Variants in PKN2 observed in about 807,000 individuals in gnomAD.
PKN2 encodes protein kinase N2, also known as serine/threonine-protein kinase N2.
In PKN2, 38 loss-of-function variants were observed where a neutral mutation model predicts 119.1. That is an observed-to-expected ratio of 0.32 (90% CI 0.25 to 0.42). The LOEUF is 0.42. Among genes scored for constraint, PKN2 ranks in the 10% least tolerant of loss-of-function variants. The probability of loss-of-function intolerance (pLI) is 1.00; values close to 1 mark genes in which losing one functional copy is unlikely to be tolerated. For missense variants in PKN2, 850 were observed against 1,165.1 expected, an observed-to-expected ratio of 0.73 and a Z score of 3.94; for synonymous variants, 390 against 384.9, an observed-to-expected ratio of 1.01 and a Z score of -0.15.
intron 2 of PKN2, among the ~76,000 whole-genome samples, chr1:88,751,213 A>G (rs528474783): frequency 2.1e-4 from 32 of 151,682 alleles, no homozygotes; most frequent in African/African-American, 7.3e-4. Context: ...GATTAGCAGA[A>G]TCTAGGTGAT....
chr1:88,742,550 A>G (rs1181117086), intron 2 of PKN2, among the ~76,000 whole-genome samples: 1 of 152,140 alleles, frequency 6.6e-6, no homozygotes, highest in Non-Finnish European at 1.5e-5. Flanking sequence ...TTTCAGAATC[A>G]CCAATCTAGT....
rs998366130 is a variant in PKN2, at chr1:88,699,536, A to G, written c.48+14908A>G. 2.0e-5 allele frequency among the ~76,000 whole-genome samples: 3 copies of G among 152,142 alleles called. No homozygotes were observed. In the South Asian group the frequency reaches 6.2e-4, roughly 31 times the overall value. On this transcript the variant is annotated intron_variant, in intron 1 of 21. Transcript: ENST00000370521. ...ATCCCATCACCTGGGTATTAAGCCCAGCATCCATTAGCTATTCTTCCTGAT... is the reference window on the plus strand; with the variant it reads ...ATCCCATCACCTGGGTATTAAGCCCGGCATCCATTAGCTATTCTTCCTGAT...
intron 1 of PKN2, among the ~76,000 whole-genome samples, chr1:88,729,687 A>G (rs1264017093): frequency 6.6e-6 from 1 of 152,164 alleles, no homozygotes; most frequent in Non-Finnish European, 1.5e-5. Context: ...GTAGAATGTC[A>G]CTTTAGTCAG....
chr1:88,777,975 A>G (rs965617505), intron 6 of PKN2, among the ~76,000 whole-genome samples: 6 of 152,172 alleles, frequency 3.9e-5, no homozygotes, highest in African/African-American at 1.2e-4. Flanking sequence ...CAGCACTCTT[A>G]CAATACTCCC....
At chr1:88,737,449 C>T (rs922612812) in intron 1 of PKN2, among the ~76,000 whole-genome samples, 1 of 151,982 alleles carries the variant, frequency 6.6e-6, no homozygotes, top group Non-Finnish European at 1.5e-5. Flanking sequence ...CCCTCTTTTT[C>T]CCCCAGTAGA....
intron 1 of PKN2, among the ~76,000 whole-genome samples, chr1:88,717,725 C>T (rs577245867): frequency 3.6e-4 from 54 of 152,098 alleles, no homozygotes; most frequent in Admixed American, 1.8e-3. Flanking sequence ...AGCTTCCTTG[C>T]GATGGGTTCG....
At chr1:88,814,133 G>A (rs1671890415) in intron 16 of PKN2, among the ~76,000 whole-genome samples, 2 of 152,032 alleles carry the variant, frequency 1.3e-5, no homozygotes, top group Admixed American at 6.6e-5. Flanking sequence ...TAAAATATTT[G>A]TATTTGCCTT....
At chr1:88,761,303 T>C (rs948398262) in intron 3 of PKN2, among the ~76,000 whole-genome samples, 4 of 152,124 alleles carry the variant, frequency 2.6e-5, no homozygotes, top group African/African-American at 9.7e-5. Context: ...TACTTTCAAC[T>C]CATGTATTTT....
At chr1:88,817,541 A>G (rs1219865941) in intron 16 of PKN2, among the ~76,000 whole-genome samples, 1 of 151,904 alleles carries the variant, frequency 6.6e-6, no homozygotes, top group African/African-American at 2.4e-5. Context: ...CCCCATCTCT[A>G]CTAAAAACAC....
At chr1:88,803,769 A>C in intron 8 of PKN2, among the ~76,000 whole-genome samples, 1 of 152,366 alleles carries the variant, frequency 6.6e-6, no homozygotes. Context: ...TTGTTATAAT[A>C]AATGAATATC....
chr1:88,779,574 T>C (rs1215157054), intron 6 of PKN2, among the ~76,000 whole-genome samples: 1 of 152,104 alleles, frequency 6.6e-6, no homozygotes, highest in South Asian at 2.1e-4. Context: ...TACAAAGGCT[T>C]CTTTTTTATG....
chr1:88,744,133 T>C (rs963313230), intron 2 of PKN2, among the ~76,000 whole-genome samples: 4 of 152,198 alleles, frequency 2.6e-5, no homozygotes, highest in Non-Finnish European at 5.9e-5. Context: ...ATTAATGTCA[T>C]TAATTTTAGG....
At chr1:88,719,651 C>CT (rs1193992368) in intron 1 of PKN2, among the ~76,000 whole-genome samples, 4 of 152,054 alleles carry the variant, frequency 2.6e-5, no homozygotes, top group African/African-American at 9.7e-5. Flanking sequence ...TGTGTCTGTG[C>CT]TTATTTAAAA....
intron 2 of PKN2, among the ~76,000 whole-genome samples, chr1:88,754,392 G>A (rs1669122269): frequency 6.6e-6 from 1 of 152,018 alleles, no homozygotes; most frequent in South Asian, 2.1e-4. Flanking sequence ...TAGTCGCAGA[G>A]GAAAAACAGA....
intron 8 of PKN2, among the ~76,000 whole-genome samples, chr1:88,800,176 C>A (rs1041134166): frequency 6.6e-6 from 1 of 152,170 alleles, no homozygotes; most frequent in African/African-American, 2.4e-5. Flanking sequence ...AATTCAGTGT[C>A]CTCAGTGTCC....
intron 6 of PKN2, among the ~76,000 whole-genome samples, chr1:88,782,577 C>G (rs966511558): frequency 2.0e-5 from 3 of 151,744 alleles, no homozygotes; most frequent in Admixed American, 6.6e-5. Context: ...GGACACTAAT[C>G]TTTTCTTTTG....
intron 8 of PKN2, among the ~76,000 whole-genome samples, chr1:88,801,580 G>C (rs1671312955): frequency 1.3e-5 from 2 of 152,094 alleles, no homozygotes; most frequent in Non-Finnish European, 2.9e-5. Context: ...AATATCTCTA[G>C]ATCACAGCCC....
chr1:88,821,847 T>A, intron 16 of PKN2, 94 bp from the exon 17 acceptor site: 2 of 934,026 alleles, frequency 2.1e-6, no homozygotes, highest in Non-Finnish European at 3.1e-6. Context: ...TGAAATAAAT[T>A]AATGATAGGT....
chr1:88,723,072 T>G (rs80019313), intron 1 of PKN2, among the ~76,000 whole-genome samples: 2,972 of 152,186 alleles, frequency 0.02, 51 homozygotes, highest in Middle Eastern at 0.054. Flanking sequence ...CTGTTCAGAC[T>G]GTTCATTCAA....
Sources: gnomAD v4.1 joint callset for allele counts (sites outside exome capture counted in the v4.1 genomes callset) on GRCh38, gnomAD v4.1.1 for gene constraint, MANE v1.5 for transcripts, NCBI Gene and HGNC (gene_info 2026-07-23, HGNC 2026-07-21) for gene names.